The following TAFA4 variants were observed in gnomAD, a reference collection of about 807,000 sequenced individuals.
TAFA4 encodes the protein TAFA chemokine like family member 4.
A neutral mutation model predicts 21.1 loss-of-function variants in TAFA4; 20 were observed. The observed-to-expected ratio is 0.95, with a 90% CI of 0.67 to 1.38. The LOEUF is 1.38. Among genes scored for constraint, TAFA4 ranks in the 40% most tolerant of loss-of-function variants. The pLI is 0.00. For missense variants in TAFA4, 211 were observed against 180.9 expected, an observed-to-expected ratio of 1.17 and a Z score of -0.95; for synonymous variants, 71 against 67.4, an observed-to-expected ratio of 1.05 and a Z score of -0.26.
intron 3 of TAFA4, among the ~76,000 whole-genome samples, chr3:68,777,451 T>C (rs1703068402): frequency 6.6e-6 from 1 of 152,072 alleles, no homozygotes; most frequent in Non-Finnish European, 1.5e-5. Flanking sequence ...TTAGATTACC[T>C]AAGGATATGA....
intron 3 of TAFA4, among the ~76,000 whole-genome samples, chr3:68,760,895 A>G (rs909228548): frequency 2.6e-5 from 4 of 152,202 alleles, no homozygotes; most frequent in Admixed American, 6.5e-5. Context: ...ACAAATATCC[A>G]CTGAGGCCTT....
intron 3 of TAFA4, among the ~76,000 whole-genome samples, chr3:68,756,897 CAGAAAAGTAAGGGCT>C (rs1195857891): frequency 6.6e-6 from 1 of 152,094 alleles, no homozygotes; most frequent in African/African-American, 2.4e-5. Flanking sequence ...ACTGAGTGAG[CAGAAAAGTAAGGGCT>C]GGGAAAGGTT....
At chr3:68,825,146 C>T (rs2106869169) in intron 3 of TAFA4, among the ~76,000 whole-genome samples, 1 of 152,210 alleles carries the variant, frequency 6.6e-6, no homozygotes, top group African/African-American at 2.4e-5. Flanking sequence ...GCCTCACAGG[C>T]CCCAGCATGT....
chr3:68,864,018 A>G (rs1286992444), intron 3 of TAFA4, among the ~76,000 whole-genome samples: 2 of 152,172 alleles, frequency 1.3e-5, no homozygotes, highest in Non-Finnish European at 2.9e-5. Context: ...AGAAAACAGA[A>G]AACAACCTGT....
At chr3:68,895,055 T>C (rs1245419248) in intron 1 of TAFA4, among the ~76,000 whole-genome samples, 1 of 152,052 alleles carries the variant, frequency 6.6e-6, no homozygotes, top group Non-Finnish European at 1.5e-5. Context: ...TCTCACTCTA[T>C]CGCCCAGGCT....
chr3:68,833,507 T>A (rs1400327158), intron 3 of TAFA4, among the ~76,000 whole-genome samples: 1 of 152,094 alleles, frequency 6.6e-6, no homozygotes, highest in Non-Finnish European at 1.5e-5. Context: ...AAAGGACCAA[T>A]ATAAAGATTA....
intron 3 of TAFA4, among the ~76,000 whole-genome samples, chr3:68,799,412 C>T (rs905668751): frequency 2.0e-5 from 3 of 152,064 alleles, no homozygotes; most frequent in African/African-American, 7.2e-5. Flanking sequence ...GCCCTCATGA[C>T]CGAATCACCT....
chr3:68,763,268 A>G (rs772234332), intron 3 of TAFA4, among the ~76,000 whole-genome samples: 3 of 152,192 alleles, frequency 2.0e-5, no homozygotes, highest in Non-Finnish European at 2.9e-5. Flanking sequence ...GCAAAAGGCA[A>G]TTGTAAAATG....
At chr3:68,801,766 G>A (rs972260530) in intron 3 of TAFA4, among the ~76,000 whole-genome samples, 1 of 152,138 alleles carries the variant, frequency 6.6e-6, no homozygotes, top group Non-Finnish European at 1.5e-5. Flanking sequence ...AAAATGTCAA[G>A]ATTATTCTCA....
intron 3 of TAFA4, among the ~76,000 whole-genome samples, chr3:68,775,926 A>G (rs972187775): frequency 6.6e-6 from 1 of 152,210 alleles, no homozygotes; most frequent in Admixed American, 6.5e-5. Flanking sequence ...CAAGAAAGCA[A>G]GAAAAAATGA....
intron 3 of TAFA4, among the ~76,000 whole-genome samples, chr3:68,821,824 G>T (rs527548078): frequency 1.6e-4 from 25 of 152,254 alleles, no homozygotes; most frequent in African/African-American, 6.0e-4. Flanking sequence ...AAAGAAAAAT[G>T]AGAAAATATT....
At chr3:68,833,922 C>A (rs1284871070) in intron 3 of TAFA4, among the ~76,000 whole-genome samples, 1 of 152,132 alleles carries the variant, frequency 6.6e-6, no homozygotes, top group Non-Finnish European at 1.5e-5. Context: ...AAAGTGTTGA[C>A]CAAAATGTGA....
At chr3:68,891,951 A>C (rs1332642882) in intron 1 of TAFA4, among the ~76,000 whole-genome samples, 2 of 152,228 alleles carry the variant, frequency 1.3e-5, no homozygotes, top group East Asian at 3.8e-4. Context: ...AATGAAATGT[A>C]ACTTCTCTCT....
chr3:68,833,096 C>T (rs1704439338), intron 3 of TAFA4, among the ~76,000 whole-genome samples: 1 of 152,198 alleles, frequency 6.6e-6, no homozygotes. Context: ...ACCATTCCTC[C>T]AGGTATAGTC....
At chr3:68,783,391 T>C (rs1378044911) in intron 3 of TAFA4, among the ~76,000 whole-genome samples, 1 of 152,104 alleles carries the variant, frequency 6.6e-6, no homozygotes, top group Non-Finnish European at 1.5e-5. Flanking sequence ...CAGAACCAGA[T>C]AGACAAGCAC....
chr3:68,823,808 T>C (rs1274728922), intron 3 of TAFA4, among the ~76,000 whole-genome samples: 1 of 152,234 alleles, frequency 6.6e-6, no homozygotes, highest in Non-Finnish European at 1.5e-5. Context: ...CTGCATAGTA[T>C]GCCCAACAAT....
chr3:68,918,933 A>T lies in TAFA4; in HGVS notation c.-123+13307T>A, dbSNP rs2090031183. On this transcript the variant is annotated intron_variant, in intron 1 of 5. Coordinates refer to ENST00000295569, the MANE Select transcript of TAFA4 (RefSeq NM_182522.5). ...ACTTTGTTTTTTAAAAATACCATATACACAGACATATACAGCATCCTATTT... is the reference window on the plus strand; with the variant it reads ...ACTTTGTTTTTTAAAAATACCATATTCACAGACATATACAGCATCCTATTT... 2.6e-5 allele frequency among the ~76,000 whole-genome samples: 4 copies of T among 152,300 alleles called. No individual in the cohort carries two copies. The South Asian group carries it at 8.3e-4, about 32-fold the overall frequency.
At chr3:68,929,363 C>T (rs1233053925) in intron 1 of TAFA4, among the ~76,000 whole-genome samples, 2 of 152,192 alleles carry the variant, frequency 1.3e-5, no homozygotes, top group Non-Finnish European at 2.9e-5. Context: ...TTGCCTGAAT[C>T]GTGAATCTTG....
chr3:68,804,877 C>A (rs570162555), intron 3 of TAFA4, among the ~76,000 whole-genome samples: 86 of 152,304 alleles, frequency 5.6e-4, no homozygotes, highest in African/African-American at 1.9e-3. Flanking sequence ...CAATACCATT[C>A]AGGACATAGG....
Sources: allele counts gnomAD v4.1 joint callset (sites outside exome capture counted in the v4.1 genomes callset), GRCh38; gene constraint gnomAD v4.1.1; transcripts MANE v1.5; gene names NCBI Gene and HGNC (gene_info 2026-07-23, HGNC 2026-07-21).